The following PRKCZ variants were observed in gnomAD, a reference collection of about 807,000 sequenced individuals.
PRKCZ encodes the protein protein kinase C zeta, also known as protein kinase C zeta type.
In PRKCZ, 33 loss-of-function variants were observed where a neutral mutation model predicts 79.5. The ratio of observed to expected loss-of-function variants is 0.41; its 90% CI spans 0.31 to 0.55. The LOEUF is 0.55. Ranked by LOEUF, PRKCZ falls within the 20% of genes least tolerant of loss-of-function variation. PRKCZ has a pLI of 0.19. For synonymous variants in PRKCZ, 342 were observed against 320.9 expected (o/e 1.07, Z -0.70); for missense variants, 578 against 813.5 (o/e 0.71, Z 3.52).
At chr1:2,135,973 C>T (rs1676116973) in intron 5 of PRKCZ, among the ~76,000 whole-genome samples, 1 of 152,030 alleles carries the variant, frequency 6.6e-6, no homozygotes, top group Non-Finnish European at 1.5e-5. Context: ...GGAGTTGGTC[C>T]CACACAGGGA....
chr1:2,084,762 C>T (rs1025859507), intron 4 of PRKCZ, among the ~76,000 whole-genome samples: 7 of 152,142 alleles, frequency 4.6e-5, no homozygotes, highest in African/African-American at 1.4e-4. Context: ...CCCAGCACTT[C>T]GGGAGGCCTA....
At chr1:2,153,814 C>T (rs1680384770) in intron 9 of PRKCZ, among the ~76,000 whole-genome samples, 1 of 152,206 alleles carries the variant, frequency 6.6e-6, no homozygotes, top group Non-Finnish European at 1.5e-5. Flanking sequence ...GGTGGGGACT[C>T]TGGGGTTGTC....
Position 2,082,917 on chromosome 1 carries a change from G to A in PRKCZ, c.334+23326G>A, listed in dbSNP as rs1028330450. Among the ~76,000 whole-genome samples, 7 of 151,840 alleles carry A rather than the reference G, an allele frequency of 4.6e-5. No homozygotes were observed. In the South Asian group the frequency reaches 8.3e-4, roughly 18 times the overall value. On this transcript the variant is annotated intron_variant, in intron 4 of 17. Coordinates refer to ENST00000378567, the MANE Select transcript of PRKCZ (RefSeq NM_002744.6). The surrounding 1 kb of genome is among the most constrained non-coding windows in gnomAD (Gnocchi z 4.4). The stretch of plus-strand genomic sequence containing the variant: ...GTGGAGAGGGTGGCAGTGAGGGCGC[G>A]AGAGGGTGGAGGGGCGGCATGAGGG...
intron 4 of PRKCZ, among the ~76,000 whole-genome samples, chr1:2,117,466 T>C (rs1439496222): frequency 6.6e-6 from 1 of 152,140 alleles, no homozygotes; most frequent in Non-Finnish European, 1.5e-5. Flanking sequence ...TGTCTGTGGT[T>C]GCTCCGGAAC....
intron 4 of PRKCZ, among the ~76,000 whole-genome samples, chr1:2,086,246 A>G (rs1664504079): frequency 6.6e-6 from 1 of 151,766 alleles, no homozygotes; most frequent in African/African-American, 2.4e-5. Context: ...GTTTTGATAG[A>G]GACAGGGTTT....
At chr1:2,157,715 T>G (rs969507857) in intron 10 of PRKCZ, among the ~76,000 whole-genome samples, 2 of 150,630 alleles carry the variant, frequency 1.3e-5, no homozygotes, top group East Asian at 1.9e-4. Flanking sequence ...CTCCAGAGTT[T>G]TTTTTTTTTT....
At chr1:2,089,608 G>A (rs1665135775) in intron 4 of PRKCZ, among the ~76,000 whole-genome samples, 1 of 152,134 alleles carries the variant, frequency 6.6e-6, no homozygotes, top group Admixed American at 6.6e-5. Context: ...CCTTTGAAAA[G>A]CACTATTAAT....
At chr1:2,061,803 G>A (rs1660702117) in intron 4 of PRKCZ, among the ~76,000 whole-genome samples, 1 of 152,212 alleles carries the variant, frequency 6.6e-6, no homozygotes, top group African/African-American at 2.4e-5. Flanking sequence ...GGGGGCTGGC[G>A]CTCTCCCTGA....
chr1:2,117,109 C>G (rs1435745900), intron 4 of PRKCZ, among the ~76,000 whole-genome samples: 1 of 152,006 alleles, frequency 6.6e-6, no homozygotes, highest in Non-Finnish European at 1.5e-5. Flanking sequence ...ACCACCATGC[C>G]CAGCTATTTT....
chr1:2,055,403 C>T (rs755356970), intron 1 of PRKCZ, 38 bp from the exon 2 acceptor site: 4 of 1,556,630 alleles, frequency 2.6e-6, no homozygotes, highest in South Asian at 2.4e-5. Flanking sequence ...TTCAAATATG[C>T]CCCACGGTAA....
At chr1:2,095,285 C>T (rs980364532) in intron 4 of PRKCZ, among the ~76,000 whole-genome samples, 1 of 152,150 alleles carries the variant, frequency 6.6e-6, no homozygotes, top group African/African-American at 2.4e-5. Flanking sequence ...CTGGCAGGGG[C>T]CCTTGTGTGC....
At chr1:2,061,351 G>T (rs1351102004) in intron 4 of PRKCZ, among the ~76,000 whole-genome samples, 1 of 151,956 alleles carries the variant, frequency 6.6e-6, no homozygotes, top group Non-Finnish European at 1.5e-5. Context: ...CAACCTGCCG[G>T]CCTTGCGTAG....
At position 2,082,208 on chromosome 1, in the gene PRKCZ, C is replaced by T. The variant is rs146590731; in HGVS notation, c.334+22617C>T. ...CTTGGCAGCGTCGCCCGCTCTGTCC[C>T]GCCTGTTGTGTGCGCCTTTTCCCTG... On this transcript the variant is annotated intron_variant, in intron 4 of 17. Transcript: ENST00000378567. This position sits in a 1 kb window ranked among gnomAD's most constrained non-coding sequence, Gnocchi z 4.4. 6.0e-5 allele frequency: 22 copies of T among 365,140 alleles called. No individual in the cohort carries two copies. Among genetic ancestry groups the T allele is most frequent in the Admixed American group, 1.8e-4 (5 of 27,498 alleles). 22.6% of individuals were successfully genotyped at this position (365,140 alleles called of 1,614,324 possible).
Position 2,144,325 on chromosome 1 carries a change from C to T in PRKCZ, c.536C>T (p.Thr179Ile). The T allele has an allele frequency of 6.3e-7, 1 of 1,574,988 alleles. No individual in the cohort carries two copies. Among genetic ancestry groups the T allele is most frequent in the South Asian group, 1.2e-5 (1 of 85,772 alleles). Residue 179 changes from threonine (T) to isoleucine (I), a missense_variant, in exon 6 of 18, where the codon ACC becomes ATC. Thr to Ile is a moderately conservative substitution (Grantham distance 89). This residue lies in a region of PRKCZ where 91 missense variants were observed against 97.5 expected (regional missense o/e 0.93). Coordinates refer to ENST00000378567, the MANE Select transcript of PRKCZ (RefSeq NM_002744.6). ...HKRCHGLVPL[T>I]CRKHMDSVMP... is the part of the protein sequence containing the mutation. ...CGCTGCCACGGCCTCGTCCCGCTGA[C>T]CTGCAGGAAGCATATGGTGAGTGGC...
At chr1:2,144,108 C>T in intron 5 of PRKCZ, 102 bp from the exon 6 acceptor site, 1 of 1,458,502 alleles carries the variant, frequency 6.9e-7, no homozygotes, top group Non-Finnish European at 9.2e-7. Context: ...TTGCCCGGCT[C>T]AGTGTCCTCT....
chr1:2,130,170 T>TAGTG (rs1248184067), intron 4 of PRKCZ, among the ~76,000 whole-genome samples: 1 of 151,946 alleles, frequency 6.6e-6, no homozygotes, highest in African/African-American at 2.4e-5. Flanking sequence ...CCTACCGAGG[T>TAGTG]AGTGGGGTTA....
At chr1:2,167,391 T>C (rs1683544023) in intron 10 of PRKCZ, among the ~76,000 whole-genome samples, 1 of 152,244 alleles carries the variant, frequency 6.6e-6, no homozygotes, top group Non-Finnish European at 1.5e-5. Context: ...GCATTGGCTT[T>C]GTCCCCGTCC....
chr1:2,124,957 A>G (rs1219876043), intron 4 of PRKCZ, among the ~76,000 whole-genome samples: 1 of 152,102 alleles, frequency 6.6e-6, no homozygotes, highest in African/African-American at 2.4e-5. Flanking sequence ...CCACATCCTC[A>G]GCGCTGTGTC....
intron 4 of PRKCZ, among the ~76,000 whole-genome samples, chr1:2,066,120 G>A (rs1339446584): frequency 6.6e-6 from 1 of 152,116 alleles, no homozygotes; most frequent in African/African-American, 2.4e-5. Context: ...GTTAATAAAG[G>A]ATAATTATGT....
Sources: allele counts gnomAD v4.1 joint callset (sites outside exome capture counted in the v4.1 genomes callset), GRCh38; gene constraint gnomAD v4.1.1; regional missense constraint gnomAD v4.1.1; non-coding constraint Gnocchi (gnomAD v3.1); transcripts MANE v1.5; gene names NCBI Gene and HGNC (gene_info 2026-07-23, HGNC 2026-07-21).